The following MDGA2 variants were observed in gnomAD, a reference collection of about 807,000 sequenced individuals.
MDGA2 encodes MAM domain-containing glycosylphosphatidylinositol anchor protein 2.
A neutral mutation model predicts 117.8 loss-of-function variants in MDGA2; 40 were observed. That is an observed-to-expected ratio of 0.34 (90% CI 0.26 to 0.44). MDGA2 has a LOEUF of 0.44. Among genes scored for constraint, MDGA2 ranks in the 20% least tolerant of loss-of-function variants. The pLI, the probability that MDGA2 is intolerant of heterozygous loss-of-function variation, is 1.00. For missense variants in MDGA2, 1,123 were observed against 1,250.6 expected, an observed-to-expected ratio of 0.90 and a Z score of 1.54; for synonymous variants, 452 against 439.0, an observed-to-expected ratio of 1.03 and a Z score of -0.37.
At chr14:46,845,191 G>C (rs551603122) in intron 16 of MDGA2, among the ~76,000 whole-genome samples, 8 of 152,246 alleles carry the variant, frequency 5.3e-5, no homozygotes, top group Admixed American at 1.3e-4. Context: ...CCGATCTGAT[G>C]ATTTTATAAG....
intron 3 of MDGA2, among the ~76,000 whole-genome samples, chr14:47,214,926 T>G (rs979740445): frequency 6.6e-6 from 1 of 152,122 alleles, no homozygotes; most frequent in African/African-American, 2.4e-5. Flanking sequence ...GAGACAATCT[T>G]TTACAAGGGA....
At chr14:47,211,273 T>A (rs905061182) in intron 3 of MDGA2, among the ~76,000 whole-genome samples, 3 of 152,150 alleles carry the variant, frequency 2.0e-5, no homozygotes, top group Admixed American at 6.6e-5. Flanking sequence ...CTGTTAAGAA[T>A]GGTGAGGGGT....
intron 9 of MDGA2, among the ~76,000 whole-genome samples, chr14:46,922,991 C>T (rs1884191911): frequency 6.6e-6 from 1 of 152,196 alleles, no homozygotes; most frequent in South Asian, 2.1e-4. Context: ...GGCTGCATGC[C>T]ATGAATACAA....
intron 1 of MDGA2, among the ~76,000 whole-genome samples, chr14:47,551,794 T>C (rs935992012): frequency 1.3e-5 from 2 of 152,220 alleles, no homozygotes; most frequent in African/African-American, 4.8e-5. Flanking sequence ...TAAGAATTTT[T>C]TTTTTCATGT....
chr14:47,176,900 C>A (rs900353716), intron 3 of MDGA2, among the ~76,000 whole-genome samples: 2 of 152,158 alleles, frequency 1.3e-5, no homozygotes, highest in Admixed American at 1.3e-4. Flanking sequence ...GCAACCTACT[C>A]ATCTGACAAA....
intron 2 of MDGA2, among the ~76,000 whole-genome samples, chr14:47,257,304 C>T (rs1255136965): frequency 2.6e-5 from 4 of 152,054 alleles, no homozygotes; most frequent in African/African-American, 9.7e-5. Context: ...TGTGTGATCT[C>T]ACCTCAGAGA....
At chr14:47,408,983 G>A (rs1446360606) in intron 1 of MDGA2, among the ~76,000 whole-genome samples, 1 of 152,172 alleles carries the variant, frequency 6.6e-6, no homozygotes, top group Non-Finnish European at 1.5e-5. Context: ...AAGACTCCAA[G>A]GCAGACAGGC....
intron 11 of MDGA2, among the ~76,000 whole-genome samples, chr14:46,880,524 C>A (rs1182574098): frequency 6.6e-6 from 1 of 151,650 alleles, no homozygotes; most frequent in Non-Finnish European, 1.5e-5. Context: ...CATATCTAGG[C>A]TGAGTGCAGT....
intron 8 of MDGA2, among the ~76,000 whole-genome samples, chr14:46,959,899 T>A (rs1243697535): frequency 6.6e-6 from 1 of 152,136 alleles, no homozygotes; most frequent in African/African-American, 2.4e-5. Flanking sequence ...TACTGTGTCA[T>A]GAATTTCAAT....
intron 1 of MDGA2, among the ~76,000 whole-genome samples, chr14:47,382,043 A>C (rs1354358907): frequency 1.3e-5 from 2 of 152,218 alleles, no homozygotes; most frequent in Non-Finnish European, 2.9e-5. Flanking sequence ...CTCAAAAATA[A>C]TACCACACAT....
intron 14 of MDGA2, among the ~76,000 whole-genome samples, chr14:46,865,241 A>G (rs954451351): frequency 1.3e-5 from 2 of 152,110 alleles, no homozygotes; most frequent in Non-Finnish European, 2.9e-5. Context: ...GAATGCCAGC[A>G]TATCTGTTAG....
Position 47,557,358 on chromosome 14 carries a change from G to A in MDGA2, c.280+117159C>T, listed in dbSNP as rs565188649. Among the ~76,000 whole-genome samples, 6 of 152,198 alleles carry A rather than the reference G, an allele frequency of 3.9e-5. No homozygotes were observed. In the East Asian group the frequency reaches 9.7e-4, roughly 24 times the overall value. Reference sequence around the variant, plus strand: ...TAAAATCAGGAACATGTCAGAAATTGGTGTGTCATTTTATCTCTGGGAAAA... The same window carrying A: ...TAAAATCAGGAACATGTCAGAAATTAGTGTGTCATTTTATCTCTGGGAAAA... On this transcript the variant is annotated intron_variant, in intron 1 of 16. Coordinates refer to ENST00000399232, the MANE Select transcript of MDGA2 (RefSeq NM_001113498.3).
At chr14:47,022,035 C>A (rs1467855531) in intron 8 of MDGA2, among the ~76,000 whole-genome samples, 2 of 152,112 alleles carry the variant, frequency 1.3e-5, no homozygotes, top group Admixed American at 6.6e-5. Flanking sequence ...ACTGACAACA[C>A]TGTAACTGAA....
At position 47,103,898 on chromosome 14, in the gene MDGA2, T is replaced by C. The variant is rs568873223; in HGVS notation, c.926-6775A>G. ...AAGTATTTCTACAGCATCTACTAGA[T>C]ATCAGGCCCTGTGACAGTAAGCTGT... is the stretch of plus-strand genomic sequence containing the variant. On this transcript the variant is annotated intron_variant, in intron 5 of 16. Coordinates refer to ENST00000399232, the MANE Select transcript of MDGA2 (RefSeq NM_001113498.3). Among the ~76,000 whole-genome samples the C allele has an allele frequency of 2.0e-5, 3 of 152,310 alleles. No individual in the cohort carries two copies. The East Asian group carries it at 5.8e-4, about 29-fold the overall frequency.
chr14:47,484,640 C>T (rs1020769695), intron 1 of MDGA2, among the ~76,000 whole-genome samples: 1 of 152,118 alleles, frequency 6.6e-6, no homozygotes, highest in African/African-American at 2.4e-5. Flanking sequence ...CATCTCTGTC[C>T]CCACCTAAAT....
intron 1 of MDGA2, among the ~76,000 whole-genome samples, chr14:47,428,671 C>T (rs1183244851): frequency 6.6e-6 from 1 of 151,904 alleles, no homozygotes; most frequent in South Asian, 2.1e-4. Flanking sequence ...TTTTCCCTAT[C>T]ATTTCTGTCT....
chr14:47,334,624 G>A lies in MDGA2; in HGVS notation c.281-33074C>T, dbSNP rs184575523. Among the ~76,000 whole-genome samples, 44 of 151,922 alleles carry A rather than the reference G, an allele frequency of 2.9e-4. No homozygotes were observed. The Admixed American group carries it at 2.9e-3, about 10-fold the overall frequency. ...CTCTTAATATCTTTAATTCTTTCAA[G>A]TTATACACAAATGAAAATTAGATTA... On this transcript the variant is annotated intron_variant, in intron 1 of 16. Transcript: ENST00000399232.
At chr14:47,171,312 A>C (rs975358904) in intron 3 of MDGA2, among the ~76,000 whole-genome samples, 1 of 152,184 alleles carries the variant, frequency 6.6e-6, no homozygotes, top group African/African-American at 2.4e-5. Context: ...AGGCCCAAAC[A>C]TAATGAATAT....
At chr14:46,969,316 A>C (rs560768622) in intron 8 of MDGA2, among the ~76,000 whole-genome samples, 2 of 152,326 alleles carry the variant, frequency 1.3e-5, no homozygotes, top group Admixed American at 1.3e-4. Flanking sequence ...ATCCCAGAGG[A>C]ATCGCCACAC....
Sources: gnomAD v4.1 joint callset for allele counts (sites outside exome capture counted in the v4.1 genomes callset) on GRCh38, gnomAD v4.1.1 for gene constraint, MANE v1.5 for transcripts, NCBI Gene and HGNC (gene_info 2026-07-23, HGNC 2026-07-21) for gene names.